Variants in MYBPHL observed in about 807,000 individuals in gnomAD.
MYBPHL encodes the protein myosin-binding protein H-like.
MYBPHL carries 32 observed loss-of-function variants against 39.5 expected under a neutral mutation model. That is an observed-to-expected ratio of 0.81 (90% CI 0.61 to 1.09). MYBPHL has a LOEUF of 1.09. MYBPHL is among the 50% of genes least tolerant of loss of function. MYBPHL has a pLI of 0.00. For missense variants in MYBPHL, 456 were observed against 460.2 expected (o/e 0.99, Z 0.08); for synonymous variants, 196 against 183.7 (o/e 1.07, Z -0.54).
intron 1 of MYBPHL, among the ~76,000 whole-genome samples, chr1:109,303,538 C>G (rs1378973556): frequency 6.6e-6 from 1 of 152,184 alleles, no homozygotes; most frequent in Non-Finnish European, 1.5e-5. Flanking sequence ...CAAGTGAACT[C>G]TGGCAATTCT....
intron 8 of MYBPHL, 171 bp from the exon 9 acceptor site, chr1:109,292,759 G>A (rs1243458686): frequency 6.6e-6 from 1 of 152,236 alleles, no homozygotes; most frequent in African/African-American, 2.4e-5. Context: ...ATACCAGTGA[G>A]AGCCTTAAAT....
At chr1:109,296,209 A>C (rs1658052804) in intron 6 of MYBPHL, 25 bp downstream of exon 6, 1 of 1,611,154 alleles carries the variant, frequency 6.2e-7, no homozygotes, top group South Asian at 1.1e-5. Context: ...AGCTCAGCAC[A>C]GTGCCCCCCA....
In MYBPHL at chr1:109,295,104, C is replaced by T; in HGVS notation, c.1054+7G>A. 1 of 1,612,482 alleles carries T rather than the reference C, an allele frequency of 6.2e-7. No homozygotes were observed. Among genetic ancestry groups the T allele is most frequent in the South Asian group, 1.1e-5 (1 of 91,010 alleles). ...CCCTAAGGCACTAGTTCTCCTCTTG[C>T]CCTTACCTTTCACATCCACCCGACA... On this transcript the variant is annotated splice_region_variant and intron_variant, in intron 7 of 8. Coordinates refer to ENST00000357155, the MANE Select transcript of MYBPHL (RefSeq NM_001010985.3).
At chr1:109,304,555 G>A (rs183720771) in intron 1 of MYBPHL, among the ~76,000 whole-genome samples, 1 of 152,196 alleles carries the variant, frequency 6.6e-6, no homozygotes, top group South Asian at 2.1e-4. Context: ...CTTCCGTGGA[G>A]CTCAGACTCT....
At chr1:109,295,043 G>A in intron 7 of MYBPHL, 68 bp downstream of exon 7, 2 of 1,541,912 alleles carry the variant, frequency 1.3e-6, no homozygotes, top group Non-Finnish European at 1.8e-6. Flanking sequence ...TCTGTTCCCT[G>A]ACTCTTCCAC....
At position 109,296,874 on chromosome 1, in the gene MYBPHL, G is replaced by A. The variant is rs150334222; in HGVS notation, c.639C>T (p.Asn213=). The A allele has an allele frequency of 3.6e-4, 575 of 1,614,192 alleles. 3 individuals carry two copies. In the Middle Eastern group the frequency reaches 3.8e-3, roughly 11 times the overall value. The change falls in exon 5 of 9, where the codon AAC becomes AAT. Residue 213 remains asparagine (N), a synonymous_variant. Transcript: ENST00000357155. ...CAGCAAAGACACGGAAGGCATAGGA[G>A]TTGCCGATGATGAGGTCAGAGACGA... ...SCIVSDLIIG[N]SYAFRVFAEN...
chr1:109,305,163 C>T (rs1658420357), intron 1 of MYBPHL, among the ~76,000 whole-genome samples: 1 of 152,150 alleles, frequency 6.6e-6, no homozygotes, highest in Admixed American at 6.5e-5. Context: ...GGGTCCATAT[C>T]CACCAAAAGG....
At position 109,296,583 on chromosome 1, in the gene MYBPHL, C is replaced by T. The variant is rs149528142; in HGVS notation, c.730+200G>A. Among the ~76,000 whole-genome samples the T allele has an allele frequency of 4.2e-3, 641 of 152,140 alleles. 2 individuals carry two copies. The highest frequency in any genetic ancestry group is 7.2e-3 in the Non-Finnish European group (490 of 68,010). ...CCTCCTGAGTAGCTGGGAGTACAGG[C>T]GTGCACCACCATGCCTGGCTAATTT... On this transcript the variant is annotated intron_variant, in intron 5 of 8. Transcript: ENST00000357155.
rs1389668159 is a variant in MYBPHL, at chr1:109,298,045, T to C, written c.234+124A>G. On this transcript the variant is annotated intron_variant, in intron 2 of 8. Transcript: ENST00000357155. Reference sequence around the variant, plus strand: ...ATTTGGCCTCAGACTTCTGGTGGTGTGACCCCTTCTATCCAAGGCTGGGAA... The same window carrying C: ...ATTTGGCCTCAGACTTCTGGTGGTGCGACCCCTTCTATCCAAGGCTGGGAA... 6 of 810,052 alleles carry C rather than the reference T, an allele frequency of 7.4e-6. No individual in the cohort carries two copies. The East Asian group carries it at 1.6e-4, about 22-fold the overall frequency. The allele number at this position is 810,052 out of a possible 1,614,324, so 50.2% of individuals were successfully genotyped here. A position where few individuals can be genotyped will look rare whatever the true frequency, so the allele number is the denominator to read the frequency against.
At chr1:109,301,797 C>G (rs1294232640) in intron 1 of MYBPHL, among the ~76,000 whole-genome samples, 3 of 151,892 alleles carry the variant, frequency 2.0e-5, no homozygotes, top group Non-Finnish European at 4.4e-5. Flanking sequence ...ATCTTGACTT[C>G]TGATTAGAAA....
intron 1 of MYBPHL, among the ~76,000 whole-genome samples, chr1:109,300,238 T>A (rs1284983372): frequency 6.6e-6 from 1 of 152,202 alleles, no homozygotes; most frequent in African/African-American, 2.4e-5. Flanking sequence ...ACGACGTGCC[T>A]GGCACCAGAG....
chr1:109,306,828 C>G lies in MYBPHL; in HGVS notation c.145+19G>C. ...CCCACCACCCGGCCTCCCCACCCTC[C>G]CCACCTGCCATGGGTCACCTTCTAT... On this transcript the variant is annotated intron_variant, in intron 1 of 8. Coordinates refer to ENST00000357155, the MANE Select transcript of MYBPHL (RefSeq NM_001010985.3). 6.5e-7 allele frequency: 1 copy of G among 1,546,996 alleles called. No homozygotes were observed. The highest frequency in any genetic ancestry group is 1.9e-4 in the Middle Eastern group (1 of 5,270).
intron 1 of MYBPHL, among the ~76,000 whole-genome samples, chr1:109,302,016 GGTGT>G (rs374476094): frequency 6.6e-6 from 1 of 151,906 alleles, no homozygotes; most frequent in South Asian, 2.1e-4. Flanking sequence ...AAGTGGAGAG[GGTGT>G]GTGTGTGTTT....
intron 2 of MYBPHL, 74 bp downstream of exon 2, chr1:109,298,095 C>T: frequency 7.8e-7 from 1 of 1,281,156 alleles, no homozygotes; most frequent in Non-Finnish European, 1.1e-6. Flanking sequence ...TAGCAGGACT[C>T]TTGGTATCTG....
Position 109,295,253 on chromosome 1 carries a change from G to T in MYBPHL, c.912C>A (p.Asn304Lys). ...GGTGAGTCAGGGCTCTGTACTTAGG[G>T]TTGCCTTGGATATCCATCTTGTTCT... ...WLKNKMDIQG[N>K]PKYRALTHLG... Residue 304 changes from asparagine (N) to lysine (K), a missense_variant, in exon 7 of 9, where the codon AAC becomes AAA. Asn to Lys is a moderately conservative substitution (Grantham distance 94). Transcript: ENST00000357155. 1 of 1,614,128 alleles carries T rather than the reference G, an allele frequency of 6.2e-7. No homozygotes were observed. The highest frequency in any genetic ancestry group is 8.5e-7 in the Non-Finnish European group (1 of 1,179,986).
Position 109,298,963 on chromosome 1 carries a change from A to C in MYBPHL, c.146-706T>G, listed in dbSNP as rs145648732. Among the ~76,000 whole-genome samples the C allele has an allele frequency of 2.0e-5, 3 of 152,314 alleles. No individual in the cohort carries two copies. In the East Asian group the frequency reaches 5.8e-4, roughly 29 times the overall value. On this transcript the variant is annotated intron_variant, in intron 1 of 8. Transcript: ENST00000357155. Reference sequence around the variant, plus strand: ...AGGTCTGTCCCAGTGAGAAGTAGAGATTAGATGATGTGTATGGGCTTCCAG... The same window carrying C: ...AGGTCTGTCCCAGTGAGAAGTAGAGCTTAGATGATGTGTATGGGCTTCCAG...
At chr1:109,302,824 C>T (rs542863725) in intron 1 of MYBPHL, among the ~76,000 whole-genome samples, 1 of 152,336 alleles carries the variant, frequency 6.6e-6, no homozygotes, top group Non-Finnish European at 1.5e-5. Flanking sequence ...TATGTTACCC[C>T]TTCCGTAGCG....
In MYBPHL at chr1:109,296,350, C is replaced by T; in HGVS notation, c.751G>A (p.Gly251Arg). 1 of 1,614,122 alleles carries T rather than the reference C, an allele frequency of 6.2e-7. No individual in the cohort carries two copies. The highest frequency in any genetic ancestry group is 8.5e-7 in the Non-Finnish European group (1 of 1,180,034). The change falls in exon 6 of 9, where the codon GGG (glycine) becomes AGG (arginine). Residue 251 changes from glycine to arginine, a missense_variant. Coordinates refer to ENST00000357155, the MANE Select transcript of MYBPHL (RefSeq NM_001010985.3). ...QKAATVYKTK[G>R]FAQRDFSEAP... ...TCAGAGAAGTCTCGTTGGGCAAACC[C>T]CTTGGTCTTGTAAACAGTAGCTGAG...
intron 1 of MYBPHL, among the ~76,000 whole-genome samples, chr1:109,303,637 C>T (rs1214543518): frequency 6.6e-6 from 1 of 152,172 alleles, no homozygotes; most frequent in Non-Finnish European, 1.5e-5. Context: ...CCTTCTCCCT[C>T]ATTCTCATTC....
Sources: allele counts gnomAD v4.1 joint callset (sites outside exome capture counted in the v4.1 genomes callset), GRCh38; gene constraint gnomAD v4.1.1; transcripts MANE v1.5; gene names NCBI Gene and HGNC (gene_info 2026-07-23, HGNC 2026-07-21).